The following OR51B5 variants were observed in gnomAD, a reference collection of about 807,000 sequenced individuals.
OR51B5 encodes the protein olfactory receptor 51B5.
For missense variants in OR51B5, 456 were observed against 374.6 expected, an observed-to-expected ratio of 1.22 and a Z score of -1.79; for synonymous variants, 186 against 144.8, an observed-to-expected ratio of 1.28 and a Z score of -2.04.
At chr11:5,440,930 A>G in intron 1 of OR51B5, 1 of 1,613,926 alleles carries the variant, frequency 6.2e-7, no homozygotes, top group Non-Finnish European at 8.5e-7. Context: ...TGTTGTTAAC[A>G]TGGATGTCTC....
intron 1 of OR51B5, among the ~76,000 whole-genome samples, chr11:5,363,199 C>G (rs2736553): frequency 0.37 from 53,880 of 145,346 alleles, 10,773 homozygotes; most frequent in Non-Finnish European, 0.4. Context: ...TTCATCAATA[C>G]AGGATCTCAA....
In OR51B5 at chr11:5,422,475, G is replaced by A. The variant is rs758701076; in HGVS notation, n.85-75565C>T. 72 of 1,614,154 alleles carry A rather than the reference G, an allele frequency of 4.5e-5. No individual in the cohort carries two copies. The South Asian group carries it at 6.1e-4, about 14-fold the overall frequency. On this transcript the variant is annotated intron_variant and non_coding_transcript_variant, in intron 1 of 4. Coordinates refer to the OR51B5 transcript ENST00000415970. ...ATGCAGCTTCTCTGGTTCAACGTTC[G>A]TAGAATCAGCTCTGAGGCCTGTTTT...
intron 1 of OR51B5, among the ~76,000 whole-genome samples, chr11:5,474,858 T>G (rs1015007391): frequency 2.6e-5 from 4 of 152,178 alleles, no homozygotes; most frequent in Non-Finnish European, 4.4e-5. Flanking sequence ...AATAATTACA[T>G]GCATTAATTT....
At chr11:5,480,002 C>G (rs1475253781) in intron 1 of OR51B5, among the ~76,000 whole-genome samples, 1 of 149,362 alleles carries the variant, frequency 6.7e-6, no homozygotes, top group African/African-American at 2.5e-5. Flanking sequence ...CAGCTCTGCA[C>G]CAAGCAGACC....
chr11:5,380,196 C>T (rs940286534), intron 1 of OR51B5, among the ~76,000 whole-genome samples: 9 of 152,110 alleles, frequency 5.9e-5, no homozygotes, highest in African/African-American at 2.2e-4. Flanking sequence ...CGAAAGAAGG[C>T]GTTTCTGAAA....
chr11:5,379,841 G>C lies in OR51B5; in HGVS notation n.85-32931C>G, dbSNP rs189235012. On this transcript the variant is annotated intron_variant and non_coding_transcript_variant, in intron 1 of 4. Coordinates refer to the OR51B5 transcript ENST00000415970. ...CTGGCTTTCTGGGTTTCTCTCCCTG[G>C]CGTCCTCTCTCATCATGTGATCTCC... Among the ~76,000 whole-genome samples, 261 of 152,116 alleles carry C rather than the reference G, an allele frequency of 1.7e-3. 5 individuals are homozygous for C. Among genetic ancestry groups the C allele is most frequent in the Non-Finnish European group, 7.4e-5 (5 of 68,006 alleles).
intron 1 of OR51B5, among the ~76,000 whole-genome samples, chr11:5,477,607 CAT>C (rs1590019374): frequency 6.6e-6 from 1 of 152,290 alleles, no homozygotes; most frequent in East Asian, 1.9e-4. Context: ...GTACCGGGTT[CAT>C]ATCACTAGGG....
intron 1 of OR51B5, among the ~76,000 whole-genome samples, chr11:5,375,110 G>A (rs1849503602): frequency 6.7e-6 from 1 of 149,752 alleles, no homozygotes; most frequent in East Asian, 1.9e-4. Flanking sequence ...ACAAAGGGAA[G>A]CCCATCAGAC....
At chr11:5,408,221 C>G (rs1850089295) in intron 1 of OR51B5, among the ~76,000 whole-genome samples, 1 of 152,138 alleles carries the variant, frequency 6.6e-6, no homozygotes, top group South Asian at 2.1e-4. Flanking sequence ...CTTGCTCACT[C>G]CAGTCCCTTC....
chr11:5,441,604 G>T, intron 1 of OR51B5: 3 of 968,980 alleles, frequency 3.1e-6, no homozygotes, highest in Non-Finnish European at 3.1e-6. Context: ...CCAACAAAAG[G>T]TCATAGATTG....
intron 1 of OR51B5, among the ~76,000 whole-genome samples, chr11:5,442,791 A>C (rs527543073): frequency 1.3e-5 from 2 of 152,278 alleles, no homozygotes; most frequent in South Asian, 2.1e-4. Flanking sequence ...CTGAGTTGAA[A>C]CAAATTTCTC....
chr11:5,349,413 T>TA (rs201061489), intron 1 of OR51B5, among the ~76,000 whole-genome samples: 1 of 152,064 alleles, frequency 6.6e-6, no homozygotes, highest in African/African-American at 2.4e-5. Context: ...TGTTTTTTTT[T>TA]AATTTATCAA....
At chr11:5,388,090 A>C (rs1262249824) in intron 1 of OR51B5, among the ~76,000 whole-genome samples, 1 of 152,156 alleles carries the variant, frequency 6.6e-6, no homozygotes, top group African/African-American at 2.4e-5. Flanking sequence ...GAATCAATTA[A>C]TGAATAATTA....
chr11:5,348,656 C>G (rs1299625965), intron 1 of OR51B5, among the ~76,000 whole-genome samples: 1 of 152,126 alleles, frequency 6.6e-6, no homozygotes, highest in Non-Finnish European at 1.5e-5. Flanking sequence ...ACTACTCTTC[C>G]ATCTTCTTTT....
chr11:5,413,194 A>G (rs1850179061), intron 1 of OR51B5, among the ~76,000 whole-genome samples: 1 of 152,224 alleles, frequency 6.6e-6, no homozygotes, highest in Admixed American at 6.5e-5. Flanking sequence ...ATGGACCTCA[A>G]GCAAACTCCA....
At chr11:5,491,501 G>C (rs1209859602) in intron 1 of OR51B5, among the ~76,000 whole-genome samples, 1 of 152,106 alleles carries the variant, frequency 6.6e-6, no homozygotes, top group Non-Finnish European at 1.5e-5. Flanking sequence ...AAGAGGAGGA[G>C]GTACCAGGCA....
intron 1 of OR51B5, among the ~76,000 whole-genome samples, chr11:5,357,189 TAA>T (rs1434120936): frequency 6.6e-6 from 1 of 151,990 alleles, no homozygotes; most frequent in African/African-American, 2.4e-5. Flanking sequence ...GCAAATTAGA[TAA>T]AGAGTCAAGA....
chr11:5,458,766 T>C (rs1181318131), intron 1 of OR51B5, among the ~76,000 whole-genome samples: 1 of 152,208 alleles, frequency 6.6e-6, no homozygotes, highest in African/African-American at 2.4e-5. Flanking sequence ...TTGGATGTTA[T>C]TGATATGTAG....
At chr11:5,497,045 A>T (rs1468024319) in intron 1 of OR51B5, among the ~76,000 whole-genome samples, 2 of 92 alleles carry the variant, frequency 0.022, no homozygotes, top group East Asian at 0.5. Flanking sequence ...CAATGTTTAA[A>T]AAAAAAAAAA....
Sources: gnomAD v4.1 joint callset for allele counts (sites outside exome capture counted in the v4.1 genomes callset) on GRCh38, gnomAD v4.1.1 for gene constraint, MANE v1.5 for transcripts, NCBI Gene and HGNC (gene_info 2026-07-23, HGNC 2026-07-21) for gene names.